AMOTL1: variants seen among roughly 807,000 people sequenced by gnomAD.
The protein encoded by AMOTL1 is angiomotin like 1.
AMOTL1 carries 45 observed loss-of-function variants against 102.9 expected under a neutral mutation model. The observed-to-expected ratio is 0.44, with a 90% CI of 0.34 to 0.56. The LOEUF (loss-of-function observed/expected upper bound fraction) is 0.56, where lower values mean the gene tolerates loss of function less well. Ranked by LOEUF, AMOTL1 falls within the 20% of genes least tolerant of loss-of-function variation. The probability of loss-of-function intolerance (pLI) is 0.01; values close to 1 mark genes in which losing one functional copy is unlikely to be tolerated. For missense variants in AMOTL1, 1,114 were observed against 1,225.6 expected, an observed-to-expected ratio of 0.91 and a Z score of 1.36; for synonymous variants, 481 against 484.7, an observed-to-expected ratio of 0.99 and a Z score of 0.10.
At chr11:94,768,324 C>CGCGGGGA (rs1295643769), upstream of AMOTL1, 66 of 1,362,878 alleles carry the variant, frequency 4.8e-5, no homozygotes, top group Non-Finnish European at 6.0e-5. Context: ...CCGGCCCGCG[C>CGCGGGGA]GCGGGGAGCG....
At chr11:94,812,042 C>T (rs182687484) in intron 3 of AMOTL1, among the ~76,000 whole-genome samples, 13 of 152,292 alleles carry the variant, frequency 8.5e-5, no homozygotes, top group Admixed American at 3.3e-4. Context: ...CTTTAGATCT[C>T]GATCACATTT....
chr11:94,793,796 G>A (rs1951322339), intron 1 of AMOTL1, among the ~76,000 whole-genome samples: 1 of 152,222 alleles, frequency 6.6e-6, no homozygotes, highest in African/African-American at 2.4e-5. Context: ...AGTATCATCC[G>A]TACTCGGTTT....
chr11:94,733,624 G>T (rs1035602993), intron 2 of AMOTL1, among the ~76,000 whole-genome samples: 2 of 152,228 alleles, frequency 1.3e-5, no homozygotes, highest in African/African-American at 4.8e-5. Flanking sequence ...TGCCTTAGAT[G>T]CTGGGTTGGA....
chr11:94,865,982 A>G lies in AMOTL1; in HGVS notation c.2302A>G (p.Met768Val), dbSNP rs1027754321. Reference protein sequence around the residue: ...LHAKIIEKDAMIKVLQQRSRK... With the variant: ...LHAKIIEKDAVIKVLQQRSRK... ...TGCCAAAATCATAGAGAAAGATGCT[A>G]TGATTAAGGTCCTGCAGCAGCGATC... Residue 768 changes from methionine to valine, a missense_variant, in exon 11 of 13, where the codon ATG (methionine) becomes GTG (valine). Physicochemically the swap from Met to Val is conservative, Grantham distance 21. Coordinates refer to ENST00000433060, the MANE Select transcript of AMOTL1 (RefSeq NM_130847.3). 1 of 1,613,836 alleles carries G rather than the reference A, an allele frequency of 6.2e-7. No individual in the cohort carries two copies. The highest frequency in any genetic ancestry group is 1.3e-5 in the African/African-American group (1 of 74,898).
intron 3 of AMOTL1, among the ~76,000 whole-genome samples, chr11:94,746,827 G>A (rs1950594852): frequency 6.6e-6 from 1 of 152,148 alleles, no homozygotes. Context: ...CTAAGATTGT[G>A]AACAACTGCG....
At chr11:94,735,155 A>C (rs543889632) in intron 2 of AMOTL1, among the ~76,000 whole-genome samples, 1 of 152,296 alleles carries the variant, frequency 6.6e-6, no homozygotes, top group East Asian at 1.9e-4. Flanking sequence ...TGCTCCTCCA[A>C]GTAGAGCCTG....
chr11:94,825,535 T>C (rs889143900), intron 4 of AMOTL1, among the ~76,000 whole-genome samples: 2 of 152,226 alleles, frequency 1.3e-5, no homozygotes, highest in African/African-American at 2.4e-5. Flanking sequence ...ATTTCTGTGA[T>C]TGCAGGGATT....
intron 3 of AMOTL1, among the ~76,000 whole-genome samples, chr11:94,757,047 G>A (rs563642830): frequency 1.4e-5 from 2 of 140,532 alleles, no homozygotes; most frequent in East Asian, 2.0e-4. Flanking sequence ...TTTCCTATTT[G>A]TTGGGGTGGG....
At chr11:94,757,986 A>C (rs1203453616) in intron 3 of AMOTL1, among the ~76,000 whole-genome samples, 1 of 152,190 alleles carries the variant, frequency 6.6e-6, no homozygotes, top group African/African-American at 2.4e-5. Flanking sequence ...AACTTGAACC[A>C]GGGAGGCAGA....
At chr11:94,743,651 C>CTTTTTTTTTTTTTTTTTTTTTT (rs760828820) in intron 3 of AMOTL1, among the ~76,000 whole-genome samples, 1 of 98,188 alleles carries the variant, frequency 1.0e-5, no homozygotes, top group African/African-American at 4.7e-5. Context: ...CACAATACTT[C>CTTTTTTTTTTTTTTTTTTTTTT]TTTTTTTTTT....
chr11:94,753,839 A>C (rs1950687866), intron 3 of AMOTL1, among the ~76,000 whole-genome samples: 2 of 152,210 alleles, frequency 1.3e-5, no homozygotes. Flanking sequence ...TACTGCCTAC[A>C]ACTTGCCACA....
chr11:94,829,861 TA>T (rs1164191594), intron 4 of AMOTL1, among the ~76,000 whole-genome samples, 188 bp from the exon 5 acceptor site: 1 of 152,226 alleles, frequency 6.6e-6, no homozygotes, highest in African/African-American at 2.4e-5. Context: ...TACAAGATCC[TA>T]ATGTAGTCTT....
At chr11:94,810,496 CAAAAA>C (rs5793699) in intron 3 of AMOTL1, among the ~76,000 whole-genome samples, 2 of 133,530 alleles carry the variant, frequency 1.5e-5, no homozygotes, top group African/African-American at 2.8e-5. Flanking sequence ...TATTTTAGTC[CAAAAA>C]AAAAAAAAAA....
chr11:94,793,202 T>C (rs17608662), intron 1 of AMOTL1, among the ~76,000 whole-genome samples: 21,719 of 152,254 alleles, frequency 0.14, 2,135 homozygotes, highest in Non-Finnish European at 0.21. Flanking sequence ...GCACATGGCA[T>C]TCCTGACTCA....
chr11:94,853,480 C>T (rs1031694886), intron 7 of AMOTL1, among the ~76,000 whole-genome samples: 1 of 152,206 alleles, frequency 6.6e-6, no homozygotes, highest in Non-Finnish European at 1.5e-5. Flanking sequence ...GACGTGATCT[C>T]ATTCCTTTTT....
intron 1 of AMOTL1, among the ~76,000 whole-genome samples, chr11:94,780,436 C>T (rs1010273204): frequency 2.0e-5 from 3 of 152,194 alleles, no homozygotes; most frequent in Non-Finnish European, 4.4e-5. Context: ...TATTGGTCTT[C>T]CCTCATCCCA....
At chr11:94,721,593 A>T (rs1950175488) in intron 1 of AMOTL1, among the ~76,000 whole-genome samples, 5 of 152,132 alleles carry the variant, frequency 3.3e-5, no homozygotes, top group Admixed American at 3.3e-4. Context: ...TTTCCACTAC[A>T]TGAGGACACA....
At chr11:94,804,149 G>A (rs1237283934) in intron 3 of AMOTL1, among the ~76,000 whole-genome samples, 3 of 152,028 alleles carry the variant, frequency 2.0e-5, no homozygotes, top group African/African-American at 7.2e-5. Context: ...TGAAATTATT[G>A]GGTAAATTAT....
chr11:94,711,696 A>C (rs1032735946), intron 1 of AMOTL1, among the ~76,000 whole-genome samples: 8 of 152,142 alleles, frequency 5.3e-5, no homozygotes, highest in African/African-American at 1.7e-4. Flanking sequence ...ATGTAACCTT[A>C]TGATATTGGC....
Sources: allele counts gnomAD v4.1 joint callset (sites outside exome capture counted in the v4.1 genomes callset), GRCh38; gene constraint gnomAD v4.1.1; transcripts MANE v1.5; gene names NCBI Gene and HGNC (gene_info 2026-07-23, HGNC 2026-07-21).